The following FSTL5 variants were observed in gnomAD, a reference collection of about 807,000 sequenced individuals.
FSTL5 encodes the protein follistatin like 5.
FSTL5 carries 62 observed loss-of-function variants against 89.1 expected under a neutral mutation model. The observed-to-expected ratio is 0.70, with a 90% CI of 0.57 to 0.86. The LOEUF (loss-of-function observed/expected upper bound fraction) is 0.86. FSTL5 is among the 40% of genes least tolerant of loss of function. FSTL5 has a pLI of 0.00. For missense variants in FSTL5, 1,057 were observed against 1,001.6 expected (o/e 1.06, Z -0.75); for synonymous variants, 383 against 346.2 (o/e 1.11, Z -1.18).
At chr4:161,415,175 T>A (rs1731727330) in intron 15 of FSTL5, among the ~76,000 whole-genome samples, 1 of 152,196 alleles carries the variant, frequency 6.6e-6, no homozygotes, top group Admixed American at 6.5e-5. Flanking sequence ...GAAAATAAGA[T>A]ACATAAATAT....
chr4:161,786,763 C>T (rs1020892384), intron 4 of FSTL5, among the ~76,000 whole-genome samples: 3 of 152,080 alleles, frequency 2.0e-5, no homozygotes, highest in African/African-American at 4.8e-5. Flanking sequence ...AATGTAACCT[C>T]TATTTTCCCA....
At chr4:161,627,621 C>A (rs957121372) in intron 7 of FSTL5, among the ~76,000 whole-genome samples, 5 of 152,048 alleles carry the variant, frequency 3.3e-5, no homozygotes, top group Non-Finnish European at 7.4e-5. Flanking sequence ...GCTCAAAAAT[C>A]TTAATGGTTT....
At position 161,682,025 on chromosome 4, in the gene FSTL5, T is replaced by C. The variant is rs75734221; in HGVS notation, c.728-25531A>G. ...TACTAAGCTACAAACCTGTATAGCA[T>C]GTTACAGTAATGAGTAGTATTGTGG... On this transcript the variant is annotated intron_variant, in intron 6 of 15. Transcript: ENST00000306100. 6.0e-3 allele frequency among the ~76,000 whole-genome samples: 921 copies of C among 152,310 alleles called. 11 individuals are homozygous for C. The highest frequency in any genetic ancestry group is 0.047 in the South Asian group (226 of 4,832).
chr4:161,988,187 GT>G (rs1273626397), intron 3 of FSTL5, among the ~76,000 whole-genome samples: 1 of 151,750 alleles, frequency 6.6e-6, no homozygotes, highest in Non-Finnish European at 1.5e-5. Context: ...AAGTGCAGGA[GT>G]TTTTTTGTCC....
intron 7 of FSTL5, among the ~76,000 whole-genome samples, chr4:161,617,675 C>T (rs1365016303): frequency 6.6e-6 from 1 of 152,108 alleles, no homozygotes; most frequent in Non-Finnish European, 1.5e-5. Context: ...AGATTGACCA[C>T]CACATTCCCA....
At chr4:161,538,915 C>A (rs1035309365) in intron 9 of FSTL5, among the ~76,000 whole-genome samples, 7 of 152,030 alleles carry the variant, frequency 4.6e-5, no homozygotes, top group African/African-American at 1.2e-4. Flanking sequence ...AGGCCCACTG[C>A]GCCACCCCGG....
chr4:161,647,962 C>A (rs569310917), intron 7 of FSTL5, among the ~76,000 whole-genome samples: 1 of 152,250 alleles, frequency 6.6e-6, no homozygotes, highest in Non-Finnish European at 1.5e-5. Flanking sequence ...CAGCCACCGA[C>A]TGGCAGAACG....
chr4:161,663,728 G>A (rs561174691), intron 6 of FSTL5, among the ~76,000 whole-genome samples: 2 of 152,282 alleles, frequency 1.3e-5, no homozygotes, highest in East Asian at 3.9e-4. Context: ...ACTAGGCAGT[G>A]GCCCAGTAGA....
intron 2 of FSTL5, among the ~76,000 whole-genome samples, chr4:162,074,599 T>C (rs2111318178): frequency 6.6e-6 from 1 of 151,918 alleles, no homozygotes; most frequent in African/African-American, 2.4e-5. Flanking sequence ...TCATATGAAC[T>C]TTGTGTAAGC....
intron 10 of FSTL5, among the ~76,000 whole-genome samples, chr4:161,511,930 G>A (rs144654642): frequency 1.3e-5 from 2 of 152,148 alleles, no homozygotes; most frequent in African/African-American, 2.4e-5. Context: ...GTGCTGTGCG[G>A]TGTAGGGGGC....
chr4:162,044,586 A>T (rs1738101055), intron 2 of FSTL5, among the ~76,000 whole-genome samples: 1 of 152,138 alleles, frequency 6.6e-6, no homozygotes, highest in Non-Finnish European at 1.5e-5. Flanking sequence ...TGTCCTTTCA[A>T]GGTTTGAAGT....
At chr4:161,986,518 C>G (rs1451252361) in intron 3 of FSTL5, among the ~76,000 whole-genome samples, 2 of 152,122 alleles carry the variant, frequency 1.3e-5, no homozygotes, top group Admixed American at 6.5e-5. Flanking sequence ...TGCCACTGCA[C>G]TCTAGCCTGG....
chr4:161,644,450 C>T (rs571225428), intron 7 of FSTL5, among the ~76,000 whole-genome samples: 10 of 151,032 alleles, frequency 6.6e-5, no homozygotes, highest in East Asian at 5.9e-4. Context: ...CACTTGAACT[C>T]GGGAGGTGGA....
chr4:161,913,913 T>C (rs1188245308), intron 4 of FSTL5, among the ~76,000 whole-genome samples: 4 of 152,122 alleles, frequency 2.6e-5, no homozygotes, highest in Admixed American at 1.3e-4. Context: ...TGGAAGGGAT[T>C]TCCCTTGTTT....
intron 4 of FSTL5, among the ~76,000 whole-genome samples, chr4:161,819,589 T>C (rs1198815766): frequency 2.6e-5 from 4 of 152,104 alleles, no homozygotes; most frequent in Non-Finnish European, 5.9e-5. Context: ...TGCATCAATC[T>C]GATATACTAT....
chr4:161,437,959 C>G (rs182521644), intron 15 of FSTL5, among the ~76,000 whole-genome samples: 1 of 152,088 alleles, frequency 6.6e-6, no homozygotes, highest in African/African-American at 2.4e-5. Flanking sequence ...CTTACTCCTC[C>G]GAAGAGGATG....
intron 8 of FSTL5, among the ~76,000 whole-genome samples, chr4:161,565,978 T>C (rs1341642122): frequency 1.3e-5 from 2 of 151,230 alleles, no homozygotes; most frequent in Non-Finnish European, 3.0e-5. Context: ...TTTAGTTCTT[T>C]GAGAAATCGC....
chr4:161,589,482 T>C lies in FSTL5; in HGVS notation c.895-1907A>G, dbSNP rs1733733313. On this transcript the variant is annotated intron_variant, in intron 7 of 15. Transcript: ENST00000306100. ...ACAGGCATGAGCCACTACGCCCAGCTAATTTTTGTATTTTTAGCAGAGACA... is the reference window on the plus strand; with the variant it reads ...ACAGGCATGAGCCACTACGCCCAGCCAATTTTTGTATTTTTAGCAGAGACA... 3.3e-5 allele frequency among the ~76,000 whole-genome samples: 5 copies of C among 151,968 alleles called. No individual in the cohort carries two copies. The South Asian group carries it at 1.0e-3, about 32-fold the overall frequency.
intron 7 of FSTL5, among the ~76,000 whole-genome samples, chr4:161,595,402 A>T (rs1211238329): frequency 6.6e-6 from 1 of 152,028 alleles, no homozygotes; most frequent in Admixed American, 6.6e-5. Context: ...TCAGAGATTC[A>T]ATCTTTATGA....
Sources: allele counts gnomAD v4.1 joint callset (sites outside exome capture counted in the v4.1 genomes callset), GRCh38; gene constraint gnomAD v4.1.1; transcripts MANE v1.5; gene names NCBI Gene and HGNC (gene_info 2026-07-23, HGNC 2026-07-21).